CSNK1G1: variants seen among roughly 807,000 people sequenced by gnomAD.
CSNK1G1 encodes casein kinase I isoform gamma-1.
Under a neutral mutation model 59.6 loss-of-function variants are expected in CSNK1G1, and 22 were observed. That is an observed-to-expected ratio of 0.37 (90% CI 0.26 to 0.53). The LOEUF is 0.53. Among genes scored for constraint, CSNK1G1 ranks in the 20% least tolerant of loss-of-function variants. The pLI, the probability that CSNK1G1 is intolerant of heterozygous loss-of-function variation, is 0.89. For missense variants in CSNK1G1, 384 were observed against 519.5 expected (o/e 0.74, Z 2.54); for synonymous variants, 179 against 177.1 (o/e 1.01, Z -0.08).
rs1892074346 is a variant in CSNK1G1 at position 64,251,401 on chromosome 15, G to A, written c.292+111C>T. Reference sequence around the variant, plus strand: ...GTTTATTTACCTATCCGGCAAGCAGGGGAGATAGATGGTTTGGTAAAAAGG... The same window carrying A: ...GTTTATTTACCTATCCGGCAAGCAGAGGAGATAGATGGTTTGGTAAAAAGG... On this transcript the variant is annotated intron_variant, in intron 4 of 11. Transcript: ENST00000303052. 15 of 694,696 alleles carry A rather than the reference G, an allele frequency of 2.2e-5. No individual in the cohort carries two copies. The South Asian group carries it at 2.6e-4, about 12-fold the overall frequency. 43.0% of individuals were successfully genotyped at this position (694,696 alleles called of 1,614,324 possible).
At chr15:64,320,716 T>C (rs1294111128) in intron 1 of CSNK1G1, among the ~76,000 whole-genome samples, 1 of 147,018 alleles carries the variant, frequency 6.8e-6, no homozygotes, top group Non-Finnish European at 1.5e-5. Context: ...AAAAAAAGAA[T>C]ACGGGTCCCA....
intron 3 of CSNK1G1, among the ~76,000 whole-genome samples, chr15:64,257,020 A>G (rs781560779): frequency 6.6e-6 from 1 of 152,032 alleles, no homozygotes; most frequent in Non-Finnish European, 1.5e-5. Flanking sequence ...TACTGCCTTC[A>G]TATCTTCCTT....
At chr15:64,288,464 T>C (rs1002388971) in intron 2 of CSNK1G1, among the ~76,000 whole-genome samples, 2 of 152,100 alleles carry the variant, frequency 1.3e-5, no homozygotes, top group South Asian at 2.1e-4. Context: ...CACTTGCCTA[T>C]AGGATTCAGA....
intron 7 of CSNK1G1, 61 bp downstream of exon 7, chr15:64,207,434 ACATGAAGCCAGAGG>A: frequency 8.9e-7 from 1 of 1,122,646 alleles, no homozygotes; most frequent in South Asian, 1.3e-5. Context: ...TTTCTTAAAA[ACATGAAGCCAGAGG>A]CTCCTTCATT....
At chr15:64,277,905 T>G (rs1180698814) in intron 2 of CSNK1G1, among the ~76,000 whole-genome samples, 4 of 143,774 alleles carry the variant, frequency 2.8e-5, no homozygotes, top group Admixed American at 7.1e-5. Context: ...TTGATATTGA[T>G]ATATTTAATA....
chr15:64,270,304 G>A (rs1289978153), intron 2 of CSNK1G1, among the ~76,000 whole-genome samples: 2 of 151,422 alleles, frequency 1.3e-5, no homozygotes, highest in Non-Finnish European at 2.9e-5. Flanking sequence ...ATTTCCTTTG[G>A]TTCATCTCTG....
chr15:64,343,291 C>A (rs1434451227), intron 1 of CSNK1G1, among the ~76,000 whole-genome samples: 1 of 151,432 alleles, frequency 6.6e-6, no homozygotes, highest in Non-Finnish European at 1.5e-5. Flanking sequence ...CCTTCCTCCC[C>A]ACCTAGCACA....
chr15:64,315,636 CA>C, intron 1 of CSNK1G1: 1 of 152,260 alleles, frequency 6.6e-6, no homozygotes, highest in Non-Finnish European at 1.5e-5. Context: ...CAAAGGAGTC[CA>C]AAAAGCCTGA....
intron 10 of CSNK1G1, among the ~76,000 whole-genome samples, chr15:64,186,776 T>C (rs2081901832): frequency 6.6e-6 from 1 of 152,152 alleles, no homozygotes; most frequent in African/African-American, 2.4e-5. Flanking sequence ...CTCAAAATGC[T>C]GGAATTATCG....
rs1297464652 is a variant in CSNK1G1 at position 64,316,186 on chromosome 15, C to G, written c.-224-15463G>C. On this transcript the variant is annotated intron_variant, in intron 1 of 11. Transcript: ENST00000303052. ...GGATTAAAAACATAAGCCACTGGCA[C>G]TCAGTTTTGCTTTTTAAAACAAACA... Among the ~76,000 whole-genome samples the G allele has an allele frequency of 2.7e-5, 4 of 146,956 alleles. No homozygotes were observed. The Admixed American group carries it at 2.9e-4, about 11-fold the overall frequency.
chr15:64,344,779 G>A (rs764345971), intron 1 of CSNK1G1, among the ~76,000 whole-genome samples: 4 of 152,102 alleles, frequency 2.6e-5, no homozygotes, highest in Non-Finnish European at 5.9e-5. Flanking sequence ...AAGTCACTTA[G>A]CCTCTCTGCA....
At chr15:64,343,788 T>A (rs1325286443) in intron 1 of CSNK1G1, among the ~76,000 whole-genome samples, 3 of 151,004 alleles carry the variant, frequency 2.0e-5, no homozygotes, top group African/African-American at 7.3e-5. Context: ...ATAGACTATA[T>A]CTTCAATTTC....
intron 2 of CSNK1G1, among the ~76,000 whole-genome samples, chr15:64,297,224 C>T (rs1249358406): frequency 6.6e-6 from 1 of 151,822 alleles, no homozygotes; most frequent in Non-Finnish European, 1.5e-5. Context: ...AGCAGTTTGA[C>T]GAGACAGGAT....
rs528045301 is a variant in CSNK1G1 at position 64,209,206 on chromosome 15, T to C, written c.680-1612A>G. 2.6e-5 allele frequency among the ~76,000 whole-genome samples: 4 copies of C among 152,326 alleles called. No homozygotes were observed. The East Asian group carries it at 7.7e-4, about 29-fold the overall frequency. ...CACCTGGCCCATCTCAGACATTTTA[T>C]GTGTTTATTTTTCAGAATCAAGTTT... On this transcript the variant is annotated intron_variant, in intron 6 of 11. Coordinates refer to ENST00000303052, the MANE Select transcript of CSNK1G1 (RefSeq NM_022048.5).
rs533868270 is a variant in CSNK1G1, at chr15:64,229,902, A to AT, written c.293-13190dup. Reference sequence around the variant, plus strand: ...CCTATATTTTTGGGCATGTTTGTAAATTTTTTTTTTTTTTTTTTTTTTTTT... The same window carrying AT: ...CCTATATTTTTGGGCATGTTTGTAAATTTTTTTTTTTTTTTTTTTTTTTTTT... On this transcript the variant is annotated intron_variant, in intron 4 of 11. Transcript: ENST00000303052. Among the ~76,000 whole-genome samples the AT allele has an allele frequency of 5.8e-3, 256 of 43,768 alleles. 60 individuals carry two copies. Among genetic ancestry groups the AT allele is most frequent in the African/African-American group, 0.017 (204 of 11,824 alleles). The allele number at this position is 43,768 out of a possible 152,430, so 28.7% of individuals were successfully genotyped here.
chr15:64,266,444 C>T (rs1892992155), intron 2 of CSNK1G1, among the ~76,000 whole-genome samples: 1 of 151,968 alleles, frequency 6.6e-6, no homozygotes, highest in African/African-American at 2.4e-5. Context: ...GTCCATTCCA[C>T]CCAAAGCGAT....
intron 4 of CSNK1G1, among the ~76,000 whole-genome samples, chr15:64,229,902 ATTTTTTTTTTTTTTTTTTTTTTTT>A (rs533868270): frequency 1.4e-4 from 6 of 43,808 alleles, no homozygotes; most frequent in Non-Finnish European, 1.6e-4. Flanking sequence ...ATGTTTGTAA[ATTTTTTTTTTTTTTTTTTTTTTTT>A]TTTTTTTTTT....
chr15:64,204,477 G>A lies in CSNK1G1; in HGVS notation c.963C>T (p.Thr321=). Reference sequence around the variant, plus strand: ...CAACCCAATCATAGGCATAGTCAAAGGTGTAGCCTTTCTTTTCAAAGAGGT... The same window carrying A: ...CAACCCAATCATAGGCATAGTCAAAAGTGTAGCCTTTCTTTTCAAAGAGGT... ...FTDLFEKKGY[T]FDYAYDWVGR... The change falls in exon 9 of 12, where the codon ACC becomes ACT. Residue 321 remains threonine, a synonymous_variant. Coordinates refer to ENST00000303052, the MANE Select transcript of CSNK1G1 (RefSeq NM_022048.5). 6.2e-7 allele frequency: 1 copy of A among 1,612,484 alleles called. No homozygotes were observed. Among genetic ancestry groups the A allele is most frequent in the Non-Finnish European group, 8.5e-7 (1 of 1,179,526 alleles).
intron 2 of CSNK1G1, among the ~76,000 whole-genome samples, chr15:64,292,031 T>C (rs956081101): frequency 1.3e-5 from 2 of 151,878 alleles, no homozygotes; most frequent in African/African-American, 4.8e-5. Context: ...ACCTCGTCTC[T>C]ACTAAAAATA....
Sources: gnomAD v4.1 joint callset for allele counts (sites outside exome capture counted in the v4.1 genomes callset) on GRCh38, gnomAD v4.1.1 for gene constraint, MANE v1.5 for transcripts, NCBI Gene and HGNC (gene_info 2026-07-23, HGNC 2026-07-21) for gene names.